ZXDC: variants seen among roughly 807,000 people sequenced by gnomAD.
ZXDC encodes ZXD family zinc finger C, also known as zinc finger protein ZXDC.
A neutral mutation model predicts 63.6 loss-of-function variants in ZXDC; 58 were observed. That is an observed-to-expected ratio of 0.91 (90% confidence interval 0.74 to 1.13). The LOEUF (loss-of-function observed/expected upper bound fraction) is 1.13. ZXDC is among the 50% of genes most tolerant of loss of function. The pLI is 0.00. For missense variants in ZXDC, 1,133 were observed against 1,148.9 expected, an observed-to-expected ratio of 0.99 and a Z score of 0.20; for synonymous variants, 561 against 496.1, an observed-to-expected ratio of 1.13 and a Z score of -1.74.
Position 126,475,300 on chromosome 3 carries a change from T to G in ZXDC, c.566A>C (p.Lys189Thr), listed in dbSNP as rs1185029357. 6.5e-6 allele frequency: 10 copies of G among 1,549,356 alleles called. No homozygotes were observed. Among genetic ancestry groups the G allele is most frequent in the Non-Finnish European group, 8.7e-6 (10 of 1,146,438 alleles). ...GAGCAGGTGCACCTTGAGCTGGTGC[T>G]TCTTGGCGAAGGCCAGCGCGCACTG... ...EPQCALAFAKKHQLKVHLLTH... is the reference protein window; with the variant it reads ...EPQCALAFAKTHQLKVHLLTH... Residue 189 changes from lysine (K) to threonine (T), a missense_variant, in exon 1 of 10, where the codon AAG becomes ACG. Transcript: ENST00000389709.
rs1000057859 is a variant in ZXDC at position 126,451,245 on chromosome 3, A to G, written c.2212+8408T>C. 41 of 985,266 alleles carry G rather than the reference A, an allele frequency of 4.2e-5. No homozygotes were observed. The African/African-American group carries it at 7.0e-4, about 17-fold the overall frequency. 61.0% of individuals were successfully genotyped at this position (985,266 alleles called of 1,614,324 possible). ...CAGGAAAACACCACTTCATGCATGC[A>G]TATGTGTACTACTGCTTGTTTCCAG... On this transcript the variant is annotated intron_variant, in intron 7 of 9. Transcript: ENST00000389709.
intron 7 of ZXDC, chr3:126,454,028 G>GTATA (rs1021503320): frequency 1.4e-6 from 1 of 733,036 alleles, no homozygotes; most frequent in Non-Finnish European, 1.7e-6. Flanking sequence ...TATATATTAT[G>GTATA]TATATATATA....
At chr3:126,440,653 G>A (rs925312933) in intron 8 of ZXDC, 5 of 986,032 alleles carry the variant, frequency 5.1e-6, no homozygotes, top group East Asian at 1.1e-4. Flanking sequence ...CCTGCTCCTG[G>A]GGAGTTCTTA....
chr3:126,454,191 AAT>A (rs1934219767), intron 7 of ZXDC: 1 of 981,696 alleles, frequency 1.0e-6, no homozygotes, highest in Non-Finnish European at 1.2e-6. Flanking sequence ...TCCCATTTTA[AAT>A]ATCTTTCATA....
intron 7 of ZXDC, chr3:126,451,564 TCTC>T (rs1427196544): frequency 1.0e-6 from 1 of 985,254 alleles, no homozygotes; most frequent in Non-Finnish European, 1.2e-6. Flanking sequence ...CCAGTGAAGC[TCTC>T]CTGAGAAAGC....
chr3:126,475,066 A>T lies in ZXDC; in HGVS notation c.800T>A (p.Leu267Gln). 6.2e-7 allele frequency: 1 copy of T among 1,605,696 alleles called. No individual in the cohort carries two copies. Among genetic ancestry groups the T allele is most frequent in the South Asian group, 1.1e-5 (1 of 89,636 alleles). The change falls in exon 1 of 10, where the codon CTG (leucine) becomes CAG (glutamine). Residue 267 changes from leucine to glutamine, a missense_variant. Coordinates refer to ENST00000389709, the MANE Select transcript of ZXDC (RefSeq NM_025112.5). ...AHMKGHEQESLFKCEVCAERF... is the reference protein window; with the variant it reads ...AHMKGHEQESQFKCEVCAERF... ...CTCGGCGCACACCTCGCACTTGAAC[A>T]GGCTCTCCTGCTCGTGGCCCTTCAT...
intron 4 of ZXDC, among the ~76,000 whole-genome samples, chr3:126,469,957 A>C (rs1422087080): frequency 6.6e-6 from 1 of 152,234 alleles, no homozygotes; most frequent in East Asian, 1.9e-4. Flanking sequence ...CAAGGCCCAG[A>C]GAAGCAGCTT....
At chr3:126,465,023 C>A (rs182708875) in intron 5 of ZXDC, among the ~76,000 whole-genome samples, 1 of 152,322 alleles carries the variant, frequency 6.6e-6, no homozygotes, top group Non-Finnish European at 1.5e-5. Flanking sequence ...AAACTCTGTG[C>A]GAGGCATGGA....
intron 8 of ZXDC, 47 bp from the exon 9 acceptor site, chr3:126,439,774 A>G: frequency 6.5e-7 from 1 of 1,533,316 alleles, no homozygotes. Context: ...GTGAGAGTGC[A>G]GCAAAGGTCC....
At chr3:126,451,068 T>A in intron 7 of ZXDC, 4 of 917,424 alleles carry the variant, frequency 4.4e-6, no homozygotes, top group Non-Finnish European at 5.2e-6. Flanking sequence ...ACCACCTGAG[T>A]CCCTCAGGCC....
chr3:126,475,752 G>A lies in ZXDC; in HGVS notation c.114C>T (p.Arg38=). The change falls in exon 1 of 10, where the codon CGC becomes CGT. Residue 38 remains arginine, a synonymous_variant. Transcript: ENST00000389709. ...PAPLGASPAR[R]RLLLVRGPED... ...CAGGGCCCCGCACCAGTAGCAGGCG[G>A]CGGCGCGCGGGGCTCGCGCCGAGCG... The A allele has an allele frequency of 8.6e-7, 1 of 1,162,156 alleles. No individual in the cohort carries two copies. The highest frequency in any genetic ancestry group is 1.1e-6 in the Non-Finnish European group (1 of 945,114). The allele number at this position is 1,162,156 out of a possible 1,614,324, so 72.0% of individuals were successfully genotyped here.
intron 4 of ZXDC, among the ~76,000 whole-genome samples, chr3:126,470,160 C>T (rs1398492222): frequency 1.3e-5 from 2 of 152,190 alleles, no homozygotes; most frequent in Non-Finnish European, 2.9e-5. Flanking sequence ...GAAAAAACCA[C>T]TCTACTATAC....
At chr3:126,439,880 G>C in intron 8 of ZXDC, 153 bp from the exon 9 acceptor site, 1 of 1,435,738 alleles carries the variant, frequency 7.0e-7, no homozygotes, top group Non-Finnish European at 9.1e-7. Context: ...AGCAGGAATT[G>C]TTTATGGGGG....
chr3:126,445,665 G>A (rs911073908), intron 7 of ZXDC, among the ~76,000 whole-genome samples: 1 of 151,882 alleles, frequency 6.6e-6, no homozygotes, highest in South Asian at 2.1e-4. Context: ...TTCTCAGAGA[G>A]TCCGTTCCAG....
chr3:126,472,407 CA>C, intron 1 of ZXDC, 102 bp from the exon 2 acceptor site: 2 of 1,385,556 alleles, frequency 1.4e-6, no homozygotes, highest in Non-Finnish European at 2.0e-6. Context: ...CTGAAGCAGA[CA>C]AGGGAAAACA....
intron 9 of ZXDC, 62 bp from the exon 10 acceptor site, chr3:126,438,523 C>A: frequency 6.7e-7 from 1 of 1,489,992 alleles, no homozygotes; most frequent in Non-Finnish European, 9.2e-7. Flanking sequence ...GATCCTGTGG[C>A]TCCACACAGC....
At chr3:126,454,614 T>C (rs1167992944) in intron 7 of ZXDC, 6 of 985,216 alleles carry the variant, frequency 6.1e-6, no homozygotes, top group African/African-American at 5.2e-5. Flanking sequence ...AAAGGAGAGG[T>C]GCCCTCATTA....
rs1426292397 is a variant in ZXDC, at chr3:126,468,651, GTGTCAGC to G, written c.1270+2237_1270+2243del. 2.0e-5 allele frequency among the ~76,000 whole-genome samples: 3 copies of G among 152,266 alleles called. No individual in the cohort carries two copies. The East Asian group carries it at 5.8e-4, about 29-fold the overall frequency. ...CTTTCCCCAGTCACCTCTGGCAGAA[GTGTCAGC>G]ACAAACCATCCCCATCTCCCACTCA... On this transcript the variant is annotated intron_variant, in intron 4 of 9. Transcript: ENST00000389709.
chr3:126,457,390 G>C (rs1171240204), intron 7 of ZXDC: 1 of 985,320 alleles, frequency 1.0e-6, no homozygotes, highest in African/African-American at 1.7e-5. Context: ...CCAGTGCCCT[G>C]CATGTTTTGG....
Sources: gnomAD v4.1 joint callset for allele counts (sites outside exome capture counted in the v4.1 genomes callset) on GRCh38, gnomAD v4.1.1 for gene constraint, MANE v1.5 for transcripts, NCBI Gene and HGNC (gene_info 2026-07-23, HGNC 2026-07-21) for gene names.